Variants in FAR2 observed in about 807,000 individuals in gnomAD.
FAR2 encodes fatty acyl-CoA reductase 2.
In FAR2, 19 loss-of-function variants were observed where a neutral mutation model predicts 56.0. The observed-to-expected ratio is 0.34, with a 90% CI of 0.24 to 0.50. FAR2 has a LOEUF of 0.50. Among genes scored for constraint, FAR2 ranks in the 20% least tolerant of loss-of-function variants. The probability of loss-of-function intolerance (pLI) is 0.98; values close to 1 mark genes in which losing one functional copy is unlikely to be tolerated. For missense variants in FAR2, 508 were observed against 642.2 expected, an observed-to-expected ratio of 0.79 and a Z score of 2.26; for synonymous variants, 219 against 218.8, an observed-to-expected ratio of 1.00 and a Z score of -0.01.
intron 3 of FAR2, among the ~76,000 whole-genome samples, chr12:29,295,756 A>ATTTTTTTTTTTTTTTTTTT (rs61390530): frequency 1.1e-5 from 1 of 88,384 alleles, no homozygotes; most frequent in African/African-American, 4.6e-5. Context: ...TTTTTACGTA[A>ATTTTTTTTTTTTTTTTTTT]TTTTTTTTTT....
intron 1 of FAR2, among the ~76,000 whole-genome samples, chr12:29,150,225 A>G (rs1045703220): frequency 6.6e-6 from 1 of 152,190 alleles, no homozygotes; most frequent in Non-Finnish European, 1.5e-5. Flanking sequence ...TTCATGCCCA[A>G]TCGTATCCTA....
intron 1 of FAR2, among the ~76,000 whole-genome samples, chr12:29,266,240 A>G (rs550480778): frequency 6.6e-6 from 1 of 152,342 alleles, no homozygotes; most frequent in East Asian, 1.9e-4. Flanking sequence ...CACAATAGCC[A>G]AGATTTGAAA....
chr12:29,329,823 C>T (rs1284667308), intron 10 of FAR2, among the ~76,000 whole-genome samples: 2 of 151,902 alleles, frequency 1.3e-5, no homozygotes, highest in Admixed American at 1.3e-4. Context: ...AAATAAAATG[C>T]AAAACCAAGG....
intron 1 of FAR2, among the ~76,000 whole-genome samples, chr12:29,220,334 A>G (rs750833133): frequency 6.6e-6 from 1 of 152,180 alleles, no homozygotes; most frequent in Non-Finnish European, 1.5e-5. Context: ...TTCTTTCCAT[A>G]AATCAAAAGG....
intron 2 of FAR2, among the ~76,000 whole-genome samples, chr12:29,287,674 T>G (rs1234324674): frequency 6.6e-6 from 1 of 152,208 alleles, no homozygotes; most frequent in African/African-American, 2.4e-5. Flanking sequence ...ATGTAGTTAT[T>G]TTTGAAGAGA....
At chr12:29,163,881 G>T (rs1949802952) in intron 1 of FAR2, among the ~76,000 whole-genome samples, 1 of 152,182 alleles carries the variant, frequency 6.6e-6, no homozygotes, top group African/African-American at 2.4e-5. Context: ...CTAGATCAGG[G>T]TTTGTCACTT....
chr12:29,335,354 A>C lies in FAR2; in HGVS notation c.*1560A>C, dbSNP rs1411017460. 6.6e-6 allele frequency: 1 copy of C among 152,192 alleles called. No homozygotes were observed. Among genetic ancestry groups the C allele is most frequent in the Non-Finnish European group, 1.5e-5 (1 of 68,042 alleles). The allele number at this position is 152,192 out of a possible 1,614,324, so 9.4% of individuals were successfully genotyped here. On this transcript the variant is annotated 3_prime_UTR_variant, in exon 12 of 12. Transcript: ENST00000536681. Reference sequence around the variant, plus strand: ...AATTCTGGGAAATATTTTCCATAGCAGACAACCCAGCTCTGAAACTAAGCA... The same window carrying C: ...AATTCTGGGAAATATTTTCCATAGCCGACAACCCAGCTCTGAAACTAAGCA...
At chr12:29,153,727 A>G (rs1007889675) in intron 1 of FAR2, among the ~76,000 whole-genome samples, 3 of 152,112 alleles carry the variant, frequency 2.0e-5, no homozygotes, top group Non-Finnish European at 4.4e-5. Flanking sequence ...GTCAGGGAGG[A>G]GGGAGAGAAG....
At chr12:29,309,826 T>C (rs1949317617) in intron 6 of FAR2, 1 of 152,456 alleles carries the variant, frequency 6.6e-6, no homozygotes, top group Admixed American at 6.5e-5. Context: ...CTGCCCGAAG[T>C]CCAGATTGAT....
At chr12:29,181,050 C>T (rs11050102) in intron 1 of FAR2, among the ~76,000 whole-genome samples, 1 of 151,920 alleles carries the variant, frequency 6.6e-6, no homozygotes. Flanking sequence ...TCATTAATTC[C>T]TATGTACTTA....
In FAR2 at chr12:29,231,610, G is replaced by T. The variant is rs540737309; in HGVS notation, c.-38-38802G>T. Among the ~76,000 whole-genome samples the T allele has an allele frequency of 2.0e-5, 3 of 152,330 alleles. No homozygotes were observed. In the South Asian group the frequency reaches 6.2e-4, roughly 32 times the overall value. ...TTTTTAGAAGGGAAGATTGATACAT[G>T]CAAGAGGGAAAGGATAGTTAATCAT... On this transcript the variant is annotated intron_variant, in intron 1 of 11. Transcript: ENST00000536681.
rs1949766664 is a variant in FAR2 at position 29,333,966 on chromosome 12, A to G, written c.*172A>G. The stretch of plus-strand genomic sequence containing the variant: ...GTATTTTTATTTCAGTGAGAGAAGG[A>G]AAGTTGTAAACTAGCCCATAGTCAC... On this transcript the variant is annotated 3_prime_UTR_variant, in exon 12 of 12. Coordinates refer to ENST00000536681, the MANE Select transcript of FAR2 (RefSeq NM_001271783.2). 3.5e-6 allele frequency: 2 copies of G among 577,406 alleles called. No homozygotes were observed. Among genetic ancestry groups the G allele is most frequent in the Non-Finnish European group, 5.6e-6 (2 of 355,000 alleles). The allele number at this position is 577,406 out of a possible 1,614,324, so 35.8% of individuals were successfully genotyped here.
chr12:29,281,166 A>G (rs938528292), intron 2 of FAR2: 9 of 152,202 alleles, frequency 5.9e-5, no homozygotes, highest in African/African-American at 1.9e-4. Context: ...CTGCCTCCCA[A>G]TGTTGAGGTA....
intron 2 of FAR2, among the ~76,000 whole-genome samples, chr12:29,283,698 A>G (rs1948823841): frequency 6.6e-6 from 1 of 152,222 alleles, no homozygotes; most frequent in Non-Finnish European, 1.5e-5. Flanking sequence ...GCTGCTAGGT[A>G]AATTTCGCAC....
At chr12:29,193,704 C>G (rs1410546588) in intron 1 of FAR2, among the ~76,000 whole-genome samples, 1 of 152,194 alleles carries the variant, frequency 6.6e-6, no homozygotes, top group Admixed American at 6.5e-5. Flanking sequence ...AAGTTGCTAT[C>G]AACATTTGTG....
intron 1 of FAR2, among the ~76,000 whole-genome samples, chr12:29,222,100 C>T (rs10082775): frequency 0.24 from 36,883 of 151,956 alleles, 6,837 homozygotes; most frequent in African/African-American, 0.52. Flanking sequence ...CTGCCCGCCT[C>T]GGCCTCCCAA....
intron 1 of FAR2, among the ~76,000 whole-genome samples, chr12:29,182,345 G>C (rs1399724209): frequency 2.6e-5 from 4 of 152,194 alleles, no homozygotes; most frequent in Non-Finnish European, 5.9e-5. Context: ...CTGCTGATTG[G>C]TCCATTTTAT....
At position 29,209,052 on chromosome 12, in the gene FAR2, G is replaced by T. The variant is rs557039972; in HGVS notation, c.-39+59645G>T. Among the ~76,000 whole-genome samples, 118 of 151,732 alleles carry T rather than the reference G, an allele frequency of 7.8e-4. 1 individual carries two copies. The highest frequency in any genetic ancestry group is 2.7e-3 in the African/African-American group (112 of 41,324). On this transcript the variant is annotated intron_variant, in intron 1 of 11. Coordinates refer to ENST00000536681, the MANE Select transcript of FAR2 (RefSeq NM_001271783.2). ...CTCAGAGGCTATTGCAGAAATTCAG[G>T]CAGGAGGTAATTCAGACCTGAACTA...
At chr12:29,210,354 A>C (rs1947530488) in intron 1 of FAR2, among the ~76,000 whole-genome samples, 1 of 152,208 alleles carries the variant, frequency 6.6e-6, no homozygotes, top group Non-Finnish European at 1.5e-5. Context: ...AATACTATCC[A>C]AAGTCGGGAC....
Sources: allele counts gnomAD v4.1 joint callset (sites outside exome capture counted in the v4.1 genomes callset), GRCh38; gene constraint gnomAD v4.1.1; transcripts MANE v1.5; gene names NCBI Gene and HGNC (gene_info 2026-07-23, HGNC 2026-07-21).